NHSL2: variants seen among roughly 807,000 people sequenced by gnomAD.
NHSL2 encodes the protein NHS-like protein 2.
NHSL2 carries 27 observed loss-of-function variants against 53.4 expected under a neutral mutation model. That is an observed-to-expected ratio of 0.51 (90% CI 0.37 to 0.70). NHSL2 has a LOEUF of 0.70. Among genes scored for constraint, NHSL2 ranks in the 30% least tolerant of loss-of-function variants. The pLI, the probability that NHSL2 is intolerant of heterozygous loss-of-function variation, is 0.00. For synonymous variants in NHSL2, 408 were observed against 404.1 expected (o/e 1.01, Z -0.12); for missense variants, 892 against 980.1 (o/e 0.91, Z 1.20).
chrX:72,006,528 C>T (rs2042095000), intron 1 of NHSL2, among the ~76,000 whole-genome samples: 1 of 112,439 alleles, frequency 8.9e-6, no homozygotes, highest in Non-Finnish European at 1.9e-5. Flanking sequence ...TTTCCCCAAC[C>T]CCTCAGAGGC....
chrX:72,130,946 C>T, intron 1 of NHSL2: 1 of 1,211,864 alleles, frequency 8.3e-7, no homozygotes. Context: ...CAGTCCTTGG[C>T]TTCGCCAGTG....
intron 1 of NHSL2, among the ~76,000 whole-genome samples, chrX:72,088,859 C>T (rs1215433814): frequency 1.8e-5 from 2 of 112,525 alleles, no homozygotes; most frequent in Non-Finnish European, 3.8e-5. Context: ...GCGTTGGCCT[C>T]ACATGAAGAC....
rs1224293639 is a variant in NHSL2 at position 72,069,340 on chromosome X, T to C, written c.281-62739T>C. 2.9e-5 allele frequency among the ~76,000 whole-genome samples: 3 copies of C among 104,319 alleles called. No individual in the cohort carries two copies. The Admixed American group carries it at 3.1e-4, about 11-fold the overall frequency. 90.6% of individuals were successfully genotyped at this position (104,319 alleles called of 115,157 possible). On this transcript the variant is annotated intron_variant, in intron 1 of 7. Transcript: ENST00000633930. ...CTTTCAGGGCTTGCTAGGGTTTCTC[T>C]TGGAACCTGGGCTGCTCGACCCGAG... is the stretch of plus-strand genomic sequence containing the variant.
At chrX:71,926,924 C>A (rs777733121) in intron 1 of NHSL2, among the ~76,000 whole-genome samples, 1 of 110,971 alleles carries the variant, frequency 9.0e-6, no homozygotes, top group South Asian at 3.9e-4. Flanking sequence ...TTTCCTGGGT[C>A]CTGATTCCTC....
chrX:72,004,790 C>T (rs1418323229), intron 1 of NHSL2, among the ~76,000 whole-genome samples: 2 of 106,611 alleles, frequency 1.9e-5, no homozygotes, highest in East Asian at 2.9e-4. Context: ...CCCCACCTTC[C>T]GCTCCTGGCA....
At position 72,148,767 on chromosome X, in the gene NHSL2, T is replaced by A. The variant is rs1443181532; in HGVS notation, c.*5193T>A. 3 of 109,563 alleles carry A rather than the reference T, an allele frequency of 2.7e-5. No homozygotes were observed. Among genetic ancestry groups the A allele is most frequent in the Non-Finnish European group, 5.7e-5 (3 of 52,614 alleles). 9.0% of individuals were successfully genotyped at this position (109,563 alleles called of 1,213,427 possible). A position where few individuals can be genotyped will look rare whatever the true frequency, so the allele number is the denominator to read the frequency against. Reference sequence around the variant, plus strand: ...TAAAGCCCAAAATCTAGGCCAATGGTTCTCAAAGTGCAGTTCCAGGAGCAG... The same window carrying A: ...TAAAGCCCAAAATCTAGGCCAATGGATCTCAAAGTGCAGTTCCAGGAGCAG... On this transcript the variant is annotated 3_prime_UTR_variant, in exon 8 of 8. Transcript: ENST00000633930.
chrX:72,033,525 C>T (rs72630031), intron 1 of NHSL2, among the ~76,000 whole-genome samples: 9,856 of 111,908 alleles, frequency 0.088, 612 homozygotes, highest in African/African-American at 0.21. Flanking sequence ...TTCCAATCCA[C>T]GAACATAGTA....
At chrX:72,079,028 C>T (rs59930872) in intron 1 of NHSL2, among the ~76,000 whole-genome samples, 1,825 of 112,237 alleles carry the variant, frequency 0.016, 34 homozygotes, top group African/African-American at 0.056. Context: ...GTAAGTCTCA[C>T]GCTGAGTCTC....
At chrX:71,999,794 T>TA (rs199803883) in intron 1 of NHSL2, among the ~76,000 whole-genome samples, 3 of 110,984 alleles carry the variant, frequency 2.7e-5, no homozygotes, top group Non-Finnish European at 3.8e-5. Flanking sequence ...TTTCAACATT[T>TA]AAAAAAAAAT....
intron 1 of NHSL2, among the ~76,000 whole-genome samples, chrX:71,952,245 C>T (rs1213680523): frequency 9.0e-6 from 1 of 111,634 alleles, no homozygotes; most frequent in Non-Finnish European, 1.9e-5. Flanking sequence ...CTAGGGATTT[C>T]CTTTACTGAT....
intron 1 of NHSL2, among the ~76,000 whole-genome samples, chrX:71,951,079 A>G (rs183682062): frequency 1.4e-3 from 151 of 108,926 alleles, no homozygotes; most frequent in African/African-American, 4.5e-3. Context: ...AGTGGATAGA[A>G]CCTTTTCAGT....
intron 1 of NHSL2, among the ~76,000 whole-genome samples, chrX:72,098,875 A>G (rs1240103454): frequency 8.9e-6 from 1 of 112,034 alleles, no homozygotes; most frequent in African/African-American, 3.2e-5. Context: ...CTAGAATAAC[A>G]GTTACTTGTG....
chrX:72,148,835 A>AGT lies in NHSL2; in HGVS notation c.*5264_*5265dup, dbSNP rs1176922210. ...GAGAGGGAGAAAGAGAGAGAGAGAG[A>AGT]GTGTATGTGTGTGTGTGTGTGTGTG... On this transcript the variant is annotated 3_prime_UTR_variant, in exon 8 of 8. Transcript: ENST00000633930. 13 of 25,465 alleles carry AGT rather than the reference A, an allele frequency of 5.1e-4. No individual in the cohort carries two copies. The highest frequency in any genetic ancestry group is 3.6e-3 in the South Asian group (1 of 278). 2.1% of individuals were successfully genotyped at this position (25,465 alleles called of 1,213,427 possible).
At chrX:72,103,599 T>C (rs1004878044) in intron 1 of NHSL2, among the ~76,000 whole-genome samples, 1 of 111,584 alleles carries the variant, frequency 9.0e-6, no homozygotes, top group Non-Finnish European at 1.9e-5. Context: ...TCTTCACAGC[T>C]CCAAATGGCA....
At chrX:72,026,176 C>T (rs2042184727) in intron 1 of NHSL2, among the ~76,000 whole-genome samples, 1 of 112,161 alleles carries the variant, frequency 8.9e-6, no homozygotes, top group Admixed American at 9.4e-5. Flanking sequence ...CAGCAGGAAC[C>T]TTTAAATCCA....
At chrX:71,949,800 A>G (rs969798679) in intron 1 of NHSL2, among the ~76,000 whole-genome samples, 7 of 113,069 alleles carry the variant, frequency 6.2e-5, no homozygotes, top group African/African-American at 2.3e-4. Context: ...ATACAGGCTC[A>G]TCGGAAACTC....
At chrX:71,974,118 A>T in intron 1 of NHSL2, among the ~76,000 whole-genome samples, 1 of 112,403 alleles carries the variant, frequency 8.9e-6, no homozygotes. Flanking sequence ...ATGGTTATTT[A>T]AAAAACTTTC....
intron 1 of NHSL2, among the ~76,000 whole-genome samples, chrX:71,935,246 C>T (rs2041732425): frequency 8.9e-6 from 1 of 112,250 alleles, no homozygotes; most frequent in African/African-American, 3.2e-5. Flanking sequence ...TGGCTGTACC[C>T]TCAAGGAGCC....
chrX:71,998,854 A>G (rs2042061018), intron 1 of NHSL2, among the ~76,000 whole-genome samples: 1 of 111,856 alleles, frequency 8.9e-6, no homozygotes, highest in Non-Finnish European at 1.9e-5. Flanking sequence ...ATCTTTCAAG[A>G]TAGCTCAGAC....
Sources: allele counts gnomAD v4.1 joint callset (sites outside exome capture counted in the v4.1 genomes callset), GRCh38; gene constraint gnomAD v4.1.1; transcripts MANE v1.5; gene names NCBI Gene and HGNC (gene_info 2026-07-23, HGNC 2026-07-21).